Variants in TJP1 observed in about 807,000 individuals in gnomAD.
TJP1 encodes tight junction protein ZO-1.
In TJP1, 43 loss-of-function variants were observed where a neutral mutation model predicts 194.2. The observed-to-expected ratio is 0.22, with a 90% confidence interval of 0.17 to 0.29. TJP1 has a LOEUF of 0.29. TJP1 is among the 10% of genes least tolerant of loss of function. The pLI, the probability that TJP1 is intolerant of heterozygous loss-of-function variation, is 1.00. For missense variants in TJP1, 1,971 were observed against 2,185.7 expected (o/e 0.90, Z 1.96); for synonymous variants, 801 against 779.0 (o/e 1.03, Z -0.47).
rs370467138 is a variant in TJP1, at chr15:29,715,711, C to G, written c.4202+900G>C. 2.0e-4 allele frequency among the ~76,000 whole-genome samples: 30 copies of G among 152,258 alleles called. No homozygotes were observed. In the East Asian group the frequency reaches 5.0e-3, roughly 26 times the overall value. Reference sequence around the variant, plus strand: ...TTGAGGGGAGATGGTCTTGGGAGGGCCTGGCCTAATCAGCAGAGCCCTCTG... The same window carrying G: ...TTGAGGGGAGATGGTCTTGGGAGGGGCTGGCCTAATCAGCAGAGCCCTCTG... On this transcript the variant is annotated intron_variant, in intron 23 of 27. Coordinates refer to ENST00000614355, the MANE Select transcript of TJP1 (RefSeq NM_001330239.4).
In TJP1 at chr15:29,726,856, C is replaced by G; in HGVS notation, c.2236G>C (p.Glu746Gln). 6.2e-7 allele frequency: 1 copy of G among 1,614,146 alleles called. No homozygotes were observed. Among genetic ancestry groups the G allele is most frequent in the Non-Finnish European group, 8.5e-7 (1 of 1,180,038 alleles). ...AACTTCCTGGCACTTTTCCGAGATT[C>G]TGGACATAACCTCATTCTCATTGTT... ...VKTMRMRLCP[E>Q]SRKSARKLYE... The change falls in exon 17 of 28, where the codon GAA becomes CAA. Residue 746 changes from glutamate (E) to glutamine (Q), a missense_variant. By Grantham distance (29) the Glu-to-Gln change is conservative (BLOSUM62 2). This residue lies in a region of TJP1 where 402 missense variants were observed against 484.2 expected (regional missense o/e 0.83). Coordinates refer to ENST00000614355, the MANE Select transcript of TJP1 (RefSeq NM_001330239.4).
At chr15:29,744,306 T>C (rs1026584721) in intron 8 of TJP1, among the ~76,000 whole-genome samples, 4 of 152,086 alleles carry the variant, frequency 2.6e-5, no homozygotes, top group Non-Finnish European at 5.9e-5. Context: ...GAAGGCAAAA[T>C]GGAAATTATC....
Position 29,719,795 on chromosome 15 carries a change from C to A in TJP1, c.2985G>T (p.Ser995=), listed in dbSNP as rs368537788. 1.1e-5 allele frequency: 17 copies of A among 1,613,562 alleles called. No individual in the cohort carries two copies. Among genetic ancestry groups the A allele is most frequent in the Non-Finnish European group, 1.4e-5 (16 of 1,179,804 alleles). Reference sequence around the variant, plus strand: ...CAGGTACCTTTGTTGGATCTACATGCGACGACAATGATGGTTCTTGATCTC... The same window carrying A: ...CAGGTACCTTTGTTGGATCTACATGAGACGACAATGATGGTTCTTGATCTC... ...MLRDQEPSLS[S]HVDPTKVYRK... Residue 995 remains serine (S), a synonymous_variant, in exon 20 of 28, where the codon TCG becomes TCT. Transcript: ENST00000614355.
At chr15:29,764,914 T>C (rs1031470780) in intron 5 of TJP1, among the ~76,000 whole-genome samples, 1 of 151,906 alleles carries the variant, frequency 6.6e-6, no homozygotes, top group Admixed American at 6.6e-5. Context: ...GCAGATGAGA[T>C]TGCCTAAATT....
In TJP1 at chr15:29,811,466, T is replaced by C. The variant is rs72719082; in HGVS notation, c.27+10536A>G. Among the ~76,000 whole-genome samples, 879 of 151,796 alleles carry C rather than the reference T, an allele frequency of 5.8e-3. 4 individuals carry two copies. The highest frequency in any genetic ancestry group is 9.7e-3 in the Non-Finnish European group (661 of 67,890). The stretch of plus-strand genomic sequence containing the variant: ...GTGGTGGGAGGGAGAATGTAAATGG[T>C]TGAAAGTACGGATAAAACAAGTAGA... On this transcript the variant is annotated intron_variant, in intron 1 of 27. Coordinates refer to ENST00000614355, the MANE Select transcript of TJP1 (RefSeq NM_001330239.4).
At chr15:29,933,016 A>G (rs1484702000) in intron 2 of TJP1, among the ~76,000 whole-genome samples, 2 of 152,374 alleles carry the variant, frequency 1.3e-5, no homozygotes, top group East Asian at 3.9e-4. Context: ...GAAATATTTA[A>G]TTAAAATGTT....
chr15:29,768,865 T>C (rs1439874784), intron 4 of TJP1, among the ~76,000 whole-genome samples: 1 of 152,198 alleles, frequency 6.6e-6, no homozygotes, highest in African/African-American at 2.4e-5. Flanking sequence ...CAAAATAGTT[T>C]AGCTTAACTA....
intron 1 of TJP1, among the ~76,000 whole-genome samples, chr15:29,810,180 T>C (rs2049392727): frequency 6.6e-6 from 1 of 152,176 alleles, no homozygotes; most frequent in African/African-American, 2.4e-5. Flanking sequence ...AAAAGATATC[T>C]GGCATTTGCT....
intron 2 of TJP1, among the ~76,000 whole-genome samples, chr15:29,791,466 G>A (rs1489841219): frequency 1.6e-5 from 2 of 121,874 alleles, no homozygotes; most frequent in African/African-American, 6.3e-5. Context: ...TGTTGCCCAG[G>A]TTGGAGTGCA....
intron 2 of TJP1, among the ~76,000 whole-genome samples, chr15:29,949,625 TCCACCTCCACCACCTCC>T (rs2055532702): frequency 3.0e-5 from 1 of 33,660 alleles, no homozygotes; most frequent in Admixed American, 3.7e-4. Context: ...CACCACCACC[TCCACCTCCACCACCTCC>T]ACCACCACCA....
upstream of TJP1, chr15:29,823,065 C>T (rs879442698): frequency 4.6e-5 from 7 of 152,516 alleles, no homozygotes; most frequent in Admixed American, 4.6e-4. Flanking sequence ...AGGCAGCAGC[C>T]TGAGAAACAC....
At chr15:29,794,115 TTTTTC>T (rs1336338532) in intron 2 of TJP1, among the ~76,000 whole-genome samples, 1 of 152,206 alleles carries the variant, frequency 6.6e-6, no homozygotes, top group East Asian at 1.9e-4. Flanking sequence ...TGATTTTCTT[TTTTTC>T]TTTTCTTTTA....
At chr15:29,960,445 C>T (rs946688778) in intron 1 of TJP1, among the ~76,000 whole-genome samples, 6 of 151,554 alleles carry the variant, frequency 4.0e-5, no homozygotes, top group East Asian at 3.9e-4. Flanking sequence ...CCAGCTTGGG[C>T]AACATAGAGA....
chr15:29,937,521 G>A (rs961719716), intron 2 of TJP1, among the ~76,000 whole-genome samples: 2 of 152,156 alleles, frequency 1.3e-5, no homozygotes, highest in African/African-American at 4.8e-5. Flanking sequence ...TAGTTCTAAA[G>A]TAACTTCATG....
intron 2 of TJP1, among the ~76,000 whole-genome samples, chr15:29,913,600 A>T (rs2054090845): frequency 6.6e-6 from 1 of 152,200 alleles, no homozygotes; most frequent in Non-Finnish European, 1.5e-5. Flanking sequence ...TTAAGTTTGC[A>T]GTGAGCAGAA....
chr15:29,731,077 T>TA, intron 15 of TJP1: 6 of 739,608 alleles, frequency 8.1e-6, no homozygotes, highest in Non-Finnish European at 9.2e-6. Flanking sequence ...AATTTTGTTT[T>TA]ACTTTTTTTT....
At chr15:29,766,147 A>C in intron 5 of TJP1, 119 bp downstream of exon 5, 1 of 1,354,080 alleles carries the variant, frequency 7.4e-7, no homozygotes, top group Non-Finnish European at 1.0e-6. Flanking sequence ...ACTTACAGTG[A>C]TAGAACACAA....
intron 1 of TJP1, among the ~76,000 whole-genome samples, chr15:29,812,827 T>C (rs1307629556): frequency 6.6e-6 from 1 of 152,196 alleles, no homozygotes; most frequent in Non-Finnish European, 1.5e-5. Flanking sequence ...CAGCATGCAA[T>C]ATAAGGGGCT....
At position 29,822,024 on chromosome 15, in the gene TJP1, G is replaced by A. The variant is rs2050414889; in HGVS notation, c.5C>T (p.Ser2Phe). 1 of 1,355,186 alleles carries A rather than the reference G, an allele frequency of 7.4e-7. No individual in the cohort carries two copies. Among genetic ancestry groups the A allele is most frequent in the East Asian group, 3.1e-5 (1 of 32,596 alleles). The allele number at this position is 1,355,186 out of a possible 1,614,324, so 83.9% of individuals were successfully genotyped here. Reference sequence around the variant, plus strand: ...CACCTTGGCGGCCGCAGCTCTGGCGGACATCTTGTCTCTCTCCAGCGCCGC... The same window carrying A: ...CACCTTGGCGGCCGCAGCTCTGGCGAACATCTTGTCTCTCTCCAGCGCCGC... M[S>F]ARAAAAKSTA... Residue 2 changes from serine to phenylalanine, a missense_variant, in exon 1 of 28, where the codon TCC becomes TTC. Coordinates refer to ENST00000614355, the MANE Select transcript of TJP1 (RefSeq NM_001330239.4).
Sources: gnomAD v4.1 joint callset for allele counts (sites outside exome capture counted in the v4.1 genomes callset) on GRCh38, gnomAD v4.1.1 for gene constraint, gnomAD v4.1.1 regional missense constraint, MANE v1.5 for transcripts, NCBI Gene and HGNC (gene_info 2026-07-23, HGNC 2026-07-21) for gene names.